RPL27A: variants seen among roughly 807,000 people sequenced by gnomAD.
The protein encoded by RPL27A is ribosomal protein L27a, also known as large ribosomal subunit protein uL15.
For synonymous variants in RPL27A, 69 were observed against 68.3 expected (o/e 1.01, Z -0.05); for missense variants, 118 against 189.4 (o/e 0.62, Z 2.21).
chr11:8,687,071 T>C lies in RPL27A; in HGVS notation c.*1265T>C, dbSNP rs1312582020. ...TAGAAGGCACAGAGAAGCACTGAAT[T>C]GGCTTACATAAGAATAGGCTAGAAT... On this transcript the variant is annotated 3_prime_UTR_variant, in exon 5 of 5. Transcript: ENST00000314138. The C allele has an allele frequency of 6.6e-6, 1 of 152,206 alleles. No individual in the cohort carries two copies. The highest frequency in any genetic ancestry group is 2.4e-5 in the African/African-American group (1 of 41,438). The allele number at this position is 152,206 out of a possible 1,614,324, so 9.4% of individuals were successfully genotyped here. A position where few individuals can be genotyped will look rare whatever the true frequency, so the allele number is the denominator to read the frequency against.
chr11:8,683,107 C>T (rs969926765), intron 1 of RPL27A, 95 bp from the exon 2 acceptor site: 2 of 1,329,780 alleles, frequency 1.5e-6, no homozygotes, highest in Non-Finnish European at 2.2e-6. Context: ...GAAGTTAGGT[C>T]TTTGACCCAC....
At position 8,684,822 on chromosome 11, in the gene RPL27A, G is replaced by A. The variant is rs2039569896; in HGVS notation, c.248G>A (p.Ser83Asn). The change falls in exon 4 of 5, where the codon AGT becomes AAT. Residue 83 changes from serine (S) to asparagine (N), a missense_variant. Physicochemically the swap from Ser to Asn is conservative, Grantham distance 46 (BLOSUM62 1). Transcript: ENST00000314138. ...VNLDKLWTLV[S>N]EQTRVNAAKN... ...CTTGACAAATTGTGGACTTTGGTCA[G>A]TGAACAGACACGGGTGAATGCTGCT... 4 of 1,613,998 alleles carry A rather than the reference G, an allele frequency of 2.5e-6. No homozygotes were observed. Among genetic ancestry groups the A allele is most frequent in the African/African-American group, 1.3e-5 (1 of 75,054 alleles).
intron 1 of RPL27A, 68 bp from the exon 2 acceptor site, chr11:8,683,134 C>A: frequency 6.7e-7 from 1 of 1,500,810 alleles, no homozygotes; most frequent in Non-Finnish European, 9.3e-7. Flanking sequence ...ACAGGACCAT[C>A]TCGGCTGGCG....
At position 8,686,256 on chromosome 11, in the gene RPL27A, A is replaced by G. The variant is rs1269352692; in HGVS notation, c.*450A>G. The stretch of plus-strand genomic sequence containing the variant: ...GCCCCCTCATCTTTTTTTTTTTTTT[A>G]AACGGAGTCTCTCTTGCCAGGCTGG... On this transcript the variant is annotated 3_prime_UTR_variant, in exon 5 of 5. Transcript: ENST00000314138. The G allele has an allele frequency of 1.3e-5, 2 of 153,480 alleles. No individual in the cohort carries two copies. The highest frequency in any genetic ancestry group is 3.8e-4 in the East Asian group (2 of 5,264). 9.5% of individuals were successfully genotyped at this position (153,480 alleles called of 1,614,324 possible).
Position 8,682,823 on chromosome 11 carries a change from G to A in RPL27A, c.3+7G>A, listed in dbSNP as rs1420801646. The A allele has an allele frequency of 1.9e-6, 3 of 1,612,190 alleles. No homozygotes were observed. The highest frequency in any genetic ancestry group is 2.2e-5 in the East Asian group (1 of 44,738). On this transcript the variant is annotated splice_region_variant and intron_variant, in intron 1 of 4. Transcript: ENST00000314138. Reference sequence around the variant, plus strand: ...CGTCTGGGCTGCCAACATGGTAGGTGTTTCGTTTCTTGCCTCCTCTTCCTT... The same window carrying A: ...CGTCTGGGCTGCCAACATGGTAGGTATTTCGTTTCTTGCCTCCTCTTCCTT...
intron 2 of RPL27A, 117 bp downstream of exon 2, chr11:8,683,382 C>A: frequency 1.2e-6 from 1 of 826,826 alleles, no homozygotes; most frequent in Admixed American, 2.4e-5. Context: ...TCAAGTTGCA[C>A]AGCTGTTGAT....
At chr11:8,683,127 G>C (rs2039520897) in intron 1 of RPL27A, 75 bp from the exon 2 acceptor site, 19 of 1,449,424 alleles carry the variant, frequency 1.3e-5, no homozygotes, top group Non-Finnish European at 1.5e-5. Flanking sequence ...CAGGCTTACA[G>C]GACCATCTCG....
chr11:8,684,255 G>A (rs147307129), intron 3 of RPL27A, 174 bp downstream of exon 3: 183 of 766,742 alleles, frequency 2.4e-4, no homozygotes, highest in Admixed American at 3.9e-4. Context: ...CTTGGGTATC[G>A]GCTATTGCCT....
At chr11:8,683,443 TG>T in intron 2 of RPL27A, 178 bp downstream of exon 2, 1 of 619,826 alleles carries the variant, frequency 1.6e-6, no homozygotes, top group African/African-American at 1.8e-5. Context: ...TTCACATCAG[TG>T]GGGTAATAGG....
chr11:8,689,212 C>G lies in RPL27A; in HGVS notation c.*3406C>G, dbSNP rs537104376. The G allele has an allele frequency of 6.6e-6, 1 of 152,262 alleles. No individual in the cohort carries two copies. 9.4% of individuals were successfully genotyped at this position (152,262 alleles called of 1,614,324 possible). A position where few individuals can be genotyped will look rare whatever the true frequency, so the allele number is the denominator to read the frequency against. On this transcript the variant is annotated 3_prime_UTR_variant, in exon 5 of 5. Coordinates refer to ENST00000314138, the MANE Select transcript of RPL27A (RefSeq NM_000990.5). Reference sequence around the variant, plus strand: ...ATGGCCAACCTCGCCGCACTTCGAGCCCCTTTAGGGTGCGTTTAAGAACAG... The same window carrying G: ...ATGGCCAACCTCGCCGCACTTCGAGGCCCTTTAGGGTGCGTTTAAGAACAG...
rs1474285567 is a variant in RPL27A, at chr11:8,688,672, G to A, written c.*2866G>A. On this transcript the variant is annotated 3_prime_UTR_variant, in exon 5 of 5. Transcript: ENST00000314138. ...TTGCGTTCAAACGTGGGAGCTGCAG[G>A]TGCAACTTGATTTTATGACAAATGG... 2 of 152,230 alleles carry A rather than the reference G, an allele frequency of 1.3e-5. No homozygotes were observed. The highest frequency in any genetic ancestry group is 2.9e-5 in the Non-Finnish European group (2 of 68,034). The allele number at this position is 152,230 out of a possible 1,614,324, so 9.4% of individuals were successfully genotyped here. A position where few individuals can be genotyped will look rare whatever the true frequency, so the allele number is the denominator to read the frequency against.
At position 8,684,888 on chromosome 11, in the gene RPL27A, G is replaced by A; in HGVS notation, c.314G>A (p.Arg105Gln). Residue 105 changes from arginine (R) to glutamine (Q), a missense_variant, in exon 4 of 5, where the codon CGA (arginine) becomes CAA (glutamine). By Grantham distance (43) the Arg-to-Gln change is conservative. Transcript: ENST00000314138. ...GCTGCTCCCATCATTGATGTGGTGC[G>A]ATCGGTAAGTTAATTGGATGTTTTT... Reference protein sequence around the residue: ...TGAAPIIDVVRSGYYKVLGKG... With the variant: ...TGAAPIIDVVQSGYYKVLGKG... 5.0e-6 allele frequency: 8 copies of A among 1,614,132 alleles called. No individual in the cohort carries two copies. The highest frequency in any genetic ancestry group is 6.8e-6 in the Non-Finnish European group (8 of 1,179,948).
intron 4 of RPL27A, chr11:8,685,248 G>A: frequency 2.3e-6 from 1 of 429,384 alleles, no homozygotes; most frequent in South Asian, 2.0e-5. Context: ...GTCCTTGCGG[G>A]GGTTCTGGTC....
chr11:8,682,813 C>T lies in RPL27A; in HGVS notation c.-1C>T, dbSNP rs754250435. 11 of 1,612,874 alleles carry T rather than the reference C, an allele frequency of 6.8e-6. 1 individual carries two copies. Among genetic ancestry groups the T allele is most frequent in the East Asian group, 2.2e-5 (1 of 44,784 alleles). Reference sequence around the variant, plus strand: ...CTTCCTTTTTCGTCTGGGCTGCCAACATGGTAGGTGTTTCGTTTCTTGCCT... The same window carrying T: ...CTTCCTTTTTCGTCTGGGCTGCCAATATGGTAGGTGTTTCGTTTCTTGCCT... On this transcript the variant is annotated 5_prime_UTR_variant, in exon 1 of 5. Transcript: ENST00000314138.
At chr11:8,685,390 C>T (rs191407059) in intron 4 of RPL27A, 4 of 599,474 alleles carry the variant, frequency 6.7e-6, no homozygotes, top group Non-Finnish European at 1.3e-5. Flanking sequence ...AGGTGGTTGT[C>T]TTCTTTTGCT....
chr11:8,685,707 G>C lies in RPL27A; in HGVS notation c.348G>C (p.Lys116Asn). The C allele has an allele frequency of 6.2e-7, 1 of 1,614,168 alleles. No individual in the cohort carries two copies. The highest frequency in any genetic ancestry group is 8.5e-7 in the Non-Finnish European group (1 of 1,180,000). ...SGYYKVLGKG[K>N]LPKQPVIVKA... ...ACTACAAAGTTCTGGGAAAGGGAAA[G>C]CTCCCAAAGCAGCCTGTCATCGTGA... is the stretch of plus-strand genomic sequence containing the variant. Residue 116 changes from lysine (K) to asparagine (N), a missense_variant, in exon 5 of 5, where the codon AAG becomes AAC. Lys to Asn is a moderately conservative substitution (Grantham distance 94). Coordinates refer to ENST00000314138, the MANE Select transcript of RPL27A (RefSeq NM_000990.5).
At position 8,686,241 on chromosome 11, in the gene RPL27A, CT is replaced by C. The variant is rs1215295333; in HGVS notation, c.*449del. 6.9e-3 allele frequency: 999 copies of C among 145,778 alleles called. No individual in the cohort carries two copies. Among genetic ancestry groups the C allele is most frequent in the South Asian group, 0.012 (54 of 4,686 alleles). The allele number at this position is 145,778 out of a possible 1,614,324, so 9.0% of individuals were successfully genotyped here. A position where few individuals can be genotyped will look rare whatever the true frequency, so the allele number is the denominator to read the frequency against. On this transcript the variant is annotated 3_prime_UTR_variant, in exon 5 of 5. Transcript: ENST00000314138. ...AGGTTTTTCCACGTGGCCCCCTCATCTTTTTTTTTTTTTTAAACGGAGTCTC... is the reference window on the plus strand; with the variant it reads ...AGGTTTTTCCACGTGGCCCCCTCATCTTTTTTTTTTTTTAAACGGAGTCTC...
rs986662588 is a variant in RPL27A at position 8,687,857 on chromosome 11, T to C, written c.*2051T>C. 2 of 152,224 alleles carry C rather than the reference T, an allele frequency of 1.3e-5. No individual in the cohort carries two copies. Among genetic ancestry groups the C allele is most frequent in the Non-Finnish European group, 2.9e-5 (2 of 68,092 alleles). 9.4% of individuals were successfully genotyped at this position (152,224 alleles called of 1,614,324 possible). A position where few individuals can be genotyped will look rare whatever the true frequency, so the allele number is the denominator to read the frequency against. ...GTTAGCCAGGATGGTCTCGATCTCC[T>C]GATCTGCCCGCCTCAGCCTCCCAAA... On this transcript the variant is annotated 3_prime_UTR_variant, in exon 5 of 5. Coordinates refer to ENST00000314138, the MANE Select transcript of RPL27A (RefSeq NM_000990.5).
rs564163987 is a variant in RPL27A at position 8,684,910 on chromosome 11, T to C, written c.318+18T>C. On this transcript the variant is annotated intron_variant, in intron 4 of 4. Transcript: ENST00000314138. ...TGCGATCGGTAAGTTAATTGGATGTTTTTCTGTACTTCCATACCTTCCCTT... is the reference window on the plus strand; with the variant it reads ...TGCGATCGGTAAGTTAATTGGATGTCTTTCTGTACTTCCATACCTTCCCTT... 11 of 1,612,240 alleles carry C rather than the reference T, an allele frequency of 6.8e-6. No homozygotes were observed. In the African/African-American group the frequency reaches 1.1e-4, roughly 16 times the overall value.
Sources: allele counts gnomAD v4.1 joint callset, GRCh38; gene constraint gnomAD v4.1.1; transcripts MANE v1.5; gene names NCBI Gene and HGNC (gene_info 2026-07-23, HGNC 2026-07-21).